SAXO5: variants seen among roughly 807,000 people sequenced by gnomAD.
SAXO5 encodes testis expressed 45.
chr19:7,501,372 C>G, the SAXO5 span: 2 of 1,510,200 alleles, frequency 1.3e-6, no homozygotes, highest in Non-Finnish European at 1.8e-6. Context: ...CGCGCGCCCG[C>G]AGCCTCGCGC....
At chr19:7,507,072 C>T in the SAXO5 span, 23 of 1,614,060 alleles carry the variant, frequency 1.4e-5, no homozygotes, top group Non-Finnish European at 1.9e-5. Context: ...ATTTTTTAAC[C>T]ATGAACCAGA....
the SAXO5 span, among the ~76,000 whole-genome samples, chr19:7,497,893 G>C: frequency 6.6e-6 from 1 of 152,240 alleles, no homozygotes; most frequent in South Asian, 2.1e-4. Flanking sequence ...GCTCATGCCT[G>C]TAATCCCAGC....
chr19:7,504,271 GC>G, the SAXO5 span: 1 of 1,613,538 alleles, frequency 6.2e-7, no homozygotes, highest in East Asian at 2.2e-5. Flanking sequence ...AGAATTGGGG[GC>G]TGGGTGGTTT....
At chr19:7,503,840 A>G in the SAXO5 span, among the ~76,000 whole-genome samples, 151 of 152,328 alleles carry the variant, frequency 9.9e-4, no homozygotes, top group African/African-American at 3.4e-3. Context: ...ATGTTGCCCA[A>G]GCTGGTCTCC....
chr19:7,500,814 T>G, the SAXO5 span: 1 of 1,456,766 alleles, frequency 6.9e-7, no homozygotes, highest in Non-Finnish European at 9.0e-7. Context: ...AGGTGGCTGG[T>G]GTCCCGCGAT....
At chr19:7,507,042 A>T in the SAXO5 span, 20 of 1,611,748 alleles carry the variant, frequency 1.2e-5, no homozygotes, top group Admixed American at 2.7e-4. Flanking sequence ...AGCCTCCCCA[A>T]CCTGAATCTC....
chr19:7,506,264 G>A, the SAXO5 span: 12 of 904,172 alleles, frequency 1.3e-5, no homozygotes, highest in Admixed American at 6.8e-5. Flanking sequence ...ATGGAGCCCC[G>A]CCCCCACGGA....
the SAXO5 span, chr19:7,506,459 A>C: frequency 1.1e-5 from 5 of 443,980 alleles, no homozygotes; most frequent in Admixed American, 3.4e-5. Context: ...TCTCCCCTTC[A>C]TAACTCCATC....
chr19:7,498,084 G>A, the SAXO5 span, among the ~76,000 whole-genome samples: 1 of 150,490 alleles, frequency 6.6e-6, no homozygotes, highest in African/African-American at 2.5e-5. Context: ...CCAGGAGGAA[G>A]AGGTTGCAGT....
chr19:7,507,463 A>T, the SAXO5 span, among the ~76,000 whole-genome samples: 2 of 152,156 alleles, frequency 1.3e-5, no homozygotes, highest in South Asian at 4.2e-4. Flanking sequence ...CATGCCTGTA[A>T]TCCCAGCTAC....
chr19:7,506,745 T>C, the SAXO5 span: 1 of 386,694 alleles, frequency 2.6e-6, no homozygotes, highest in Admixed American at 4.2e-5. Context: ...CCTCCCTCTT[T>C]CCCAGTTCCT....
chr19:7,504,854 A>C, the SAXO5 span, among the ~76,000 whole-genome samples: 1 of 152,038 alleles, frequency 6.6e-6, no homozygotes, highest in Admixed American at 6.6e-5. Flanking sequence ...GCCAAGGTGC[A>C]CTATTGTGCC....
At chr19:7,503,136 G>A in the SAXO5 span, among the ~76,000 whole-genome samples, 2 of 152,210 alleles carry the variant, frequency 1.3e-5, no homozygotes, top group Non-Finnish European at 2.9e-5. Context: ...GCTGAGGCAG[G>A]CGGATCACTT....
chr19:7,501,467 T>C, the SAXO5 span: 1 of 1,368,252 alleles, frequency 7.3e-7, no homozygotes, highest in African/African-American at 1.5e-5. Flanking sequence ...GGGCAAGGGC[T>C]CTTCATTCCC....
the SAXO5 span, chr19:7,505,316 AC>A: frequency 3.1e-6 from 5 of 1,612,440 alleles, no homozygotes; most frequent in Non-Finnish European, 4.2e-6. Context: ...ATAATACACT[AC>A]GTACAGGTAT....
At chr19:7,504,454 TC>T in the SAXO5 span, 11 of 1,525,148 alleles carry the variant, frequency 7.2e-6, no homozygotes, top group Non-Finnish European at 1.0e-5. Context: ...ATGCCTGTAA[TC>T]CCAGCACTTT....
the SAXO5 span, chr19:7,504,080 ATC>A: frequency 1.5e-4 from 184 of 1,201,430 alleles, no homozygotes; most frequent in Non-Finnish European, 1.9e-4. Flanking sequence ...GGGAATCTCA[ATC>A]TCTCTCTCTC....
chr19:7,504,180 C>G, the SAXO5 span: 1 of 1,614,042 alleles, frequency 6.2e-7, no homozygotes, highest in South Asian at 1.1e-5. Context: ...CTACCAAAGA[C>G]AGTTCCAGGC....
the SAXO5 span, chr19:7,500,761 C>T: frequency 1.5e-6 from 2 of 1,370,782 alleles, no homozygotes; most frequent in Non-Finnish European, 1.9e-6. Context: ...AAGGCAAGTG[C>T]CCCAATGGGC....
Sources: allele counts gnomAD v4.1 joint callset (sites outside exome capture counted in the v4.1 genomes callset), GRCh38; gene constraint gnomAD v4.1.1; transcripts MANE v1.5; gene names NCBI Gene and HGNC (gene_info 2026-07-23, HGNC 2026-07-21).